Variants in RDX observed in about 807,000 individuals in gnomAD.
RDX encodes the protein radixin, also known as deafness, autosomal recessive 24.
In RDX, 32 loss-of-function variants were observed where a neutral mutation model predicts 83.7. That is an observed-to-expected ratio of 0.38 (90% CI 0.29 to 0.51). The LOEUF is 0.51. RDX is among the 20% of genes least tolerant of loss of function. The pLI is 0.87. For missense variants in RDX, 600 were observed against 689.9 expected, an observed-to-expected ratio of 0.87 and a Z score of 1.46; for synonymous variants, 229 against 222.7, an observed-to-expected ratio of 1.03 and a Z score of -0.25.
chr11:110,252,936 A>G lies in RDX; in HGVS notation c.959+1010T>C, dbSNP rs145833035. 8.5e-5 allele frequency among the ~76,000 whole-genome samples: 13 copies of G among 152,286 alleles called. No individual in the cohort carries two copies. The East Asian group carries it at 2.5e-3, about 29-fold the overall frequency. On this transcript the variant is annotated intron_variant, in intron 9 of 13. Transcript: ENST00000645495. Reference sequence around the variant, plus strand: ...CACATGCCACCATCCTCAGCTCACCAACTCAGTATCTTTAATGATGGGATT... The same window carrying G: ...CACATGCCACCATCCTCAGCTCACCGACTCAGTATCTTTAATGATGGGATT...
chr11:110,265,786 C>T (rs1210976029), intron 3 of RDX, among the ~76,000 whole-genome samples: 10 of 152,126 alleles, frequency 6.6e-5, no homozygotes, highest in Admixed American at 3.3e-4. Flanking sequence ...GCTCAACTAA[C>T]GTGCCTTCTG....
intron 15 of RDX, among the ~76,000 whole-genome samples, chr11:110,192,139 C>T (rs534648310): frequency 6.6e-6 from 1 of 152,284 alleles, no homozygotes; most frequent in East Asian, 1.9e-4. Flanking sequence ...TCAAACTATA[C>T]TGTAAGGCTG....
At chr11:110,247,186 C>T (rs1360332062) in intron 10 of RDX, among the ~76,000 whole-genome samples, 2 of 151,878 alleles carry the variant, frequency 1.3e-5, no homozygotes, top group Non-Finnish European at 2.9e-5. Flanking sequence ...AACACATTAC[C>T]AAAAACAAAC....
Position 110,264,800 on chromosome 11 carries a change from T to C in RDX, c.171A>G (p.Thr57=), listed in dbSNP as rs747673797. Residue 57 remains threonine, a synonymous_variant, in exon 4 of 14, where the codon ACA becomes ACG. Coordinates refer to ENST00000645495, the MANE Select transcript of RDX (RefSeq NM_002906.4). Reference sequence around the variant, plus strand: ...TTACCTTTTTATTTAGTTTAAGCCATGTAGAATAACCTTTGCTGTCTACAT... The same window carrying C: ...TTACCTTTTTATTTAGTTTAAGCCACGTAGAATAACCTTTGCTGTCTACAT... ...LQYVDSKGYS[T]WLKLNKKVTQ... The C allele has an allele frequency of 3.2e-5, 52 of 1,612,986 alleles. No individual in the cohort carries two copies. The highest frequency in any genetic ancestry group is 3.3e-4 in the Middle Eastern group (2 of 6,066).
At chr11:110,281,668 C>T (rs1420286783) in intron 1 of RDX, among the ~76,000 whole-genome samples, 5 of 151,574 alleles carry the variant, frequency 3.3e-5, no homozygotes, top group Non-Finnish European at 7.4e-5. Context: ...TAATTCTTAT[C>T]ATTTCCTAGC....
chr11:110,289,981 A>AAAAAAAAAAAAAAAAG (rs1861166192), intron 1 of RDX, among the ~76,000 whole-genome samples: 1 of 145,222 alleles, frequency 6.9e-6, no homozygotes, highest in African/African-American at 2.5e-5. Context: ...AAAAAAAAAA[A>AAAAAAAAAAAAAAAAG]ACAAGGGTCC....
At chr11:110,207,374 G>A (rs185034839) in intron 14 of RDX, among the ~76,000 whole-genome samples, 1 of 152,294 alleles carries the variant, frequency 6.6e-6, no homozygotes, top group Admixed American at 6.5e-5. Context: ...AAGTGATTCT[G>A]ATGCACGCTA....
chr11:110,257,560 A>G (rs1859593581), intron 7 of RDX, among the ~76,000 whole-genome samples: 1 of 152,208 alleles, frequency 6.6e-6, no homozygotes, highest in Admixed American at 6.5e-5. Flanking sequence ...TTTGATAAAT[A>G]CACTGAAAAG....
chr11:110,233,411 A>T lies in RDX; in HGVS notation c.1413T>A (p.Pro471=). The change falls in exon 13 of 14, where the codon CCT becomes CCA. Residue 471 remains proline, a synonymous_variant. Coordinates refer to ENST00000645495, the MANE Select transcript of RDX (RefSeq NM_002906.4). The part of the protein sequence containing the change: ...EELKTVMSAP[P]PPPPPPVIPP... ...GAATGACTGGTGGTGGTGGAGGTGGAGGGGGGGCAGACATCACAGTTTTTA... is the reference window on the plus strand; with the variant it reads ...GAATGACTGGTGGTGGTGGAGGTGGTGGGGGGGCAGACATCACAGTTTTTA... 1 of 1,613,868 alleles carries T rather than the reference A, an allele frequency of 6.2e-7. No homozygotes were observed. Among genetic ancestry groups the T allele is most frequent in the Non-Finnish European group, 8.5e-7 (1 of 1,179,914 alleles).
chr11:110,219,432 G>A (rs559419902), intron 14 of RDX, among the ~76,000 whole-genome samples: 27 of 152,320 alleles, frequency 1.8e-4, no homozygotes, highest in African/African-American at 6.3e-4. Context: ...AAGTGACATG[G>A]TCTGACTTAC....
At chr11:110,208,597 C>A (rs1863690255) in intron 14 of RDX, among the ~76,000 whole-genome samples, 1 of 152,210 alleles carries the variant, frequency 6.6e-6, no homozygotes, top group Non-Finnish European at 1.5e-5. Context: ...CAACTTTCCT[C>A]TAGATTTTGA....
chr11:110,246,427 A>T (rs923947975), intron 10 of RDX, among the ~76,000 whole-genome samples: 2 of 152,210 alleles, frequency 1.3e-5, no homozygotes, highest in Non-Finnish European at 2.9e-5. Flanking sequence ...AAAAACGTGA[A>T]ATCTGAAATG....
At chr11:110,237,827 G>T in intron 10 of RDX, 175 bp from the exon 11 acceptor site, 1 of 753,296 alleles carries the variant, frequency 1.3e-6, no homozygotes, top group Non-Finnish European at 2.3e-6. Context: ...CTGTTGCCCA[G>T]GCTGAAGTGC....
At chr11:110,285,146 T>C (rs1223730918) in intron 1 of RDX, among the ~76,000 whole-genome samples, 2 of 151,988 alleles carry the variant, frequency 1.3e-5, no homozygotes, top group African/African-American at 4.8e-5. Flanking sequence ...CTCAGTACTT[T>C]GGGAGGCCGA....
chr11:110,196,860 G>A (rs971937935), intron 15 of RDX, among the ~76,000 whole-genome samples: 2 of 152,190 alleles, frequency 1.3e-5, no homozygotes, highest in African/African-American at 4.8e-5. Context: ...GGCTGTAGGG[G>A]TCCTATTCAT....
chr11:110,224,742 C>CAA (rs775476549), downstream of RDX, among the ~76,000 whole-genome samples: 2 of 152,166 alleles, frequency 1.3e-5, no homozygotes, highest in African/African-American at 2.4e-5. Flanking sequence ...AACAATATAG[C>CAA]AAACATGAGA....
At chr11:110,241,093 A>T (rs375726486) in intron 10 of RDX, among the ~76,000 whole-genome samples, 2 of 149,782 alleles carry the variant, frequency 1.3e-5, no homozygotes, top group East Asian at 2.0e-4. Flanking sequence ...GGGGGCAAAG[A>T]TGTGTACATT....
chr11:110,195,410 C>G (rs1357827861), intron 15 of RDX, among the ~76,000 whole-genome samples: 1 of 152,162 alleles, frequency 6.6e-6, no homozygotes, highest in East Asian at 1.9e-4. Context: ...CCAGCTCTGC[C>G]ACTGAACTCT....
chr11:110,259,197 C>CA (rs761158746), intron 5 of RDX, among the ~76,000 whole-genome samples: 52 of 152,310 alleles, frequency 3.4e-4, no homozygotes, highest in Non-Finnish European at 6.2e-4. Flanking sequence ...CTCGACCTCC[C>CA]AAAGTGCTGG....
Sources: allele counts gnomAD v4.1 joint callset (sites outside exome capture counted in the v4.1 genomes callset), GRCh38; gene constraint gnomAD v4.1.1; transcripts MANE v1.5; gene names NCBI Gene and HGNC (gene_info 2026-07-23, HGNC 2026-07-21).